The following SCNN1G variants were observed in gnomAD, a reference collection of about 807,000 sequenced individuals.
SCNN1G encodes epithelial sodium channel subunit gamma.
SCNN1G carries 27 observed loss-of-function variants against 64.6 expected under a neutral mutation model. The ratio of observed to expected loss-of-function variants is 0.42; its 90% CI spans 0.31 to 0.58. The LOEUF is 0.58. SCNN1G is among the 20% of genes least tolerant of loss of function. The probability of loss-of-function intolerance (pLI) is 0.18; values close to 1 mark genes in which losing one functional copy is unlikely to be tolerated. For missense variants in SCNN1G, 743 were observed against 823.4 expected, an observed-to-expected ratio of 0.90 and a Z score of 1.19; for synonymous variants, 330 against 314.2, an observed-to-expected ratio of 1.05 and a Z score of -0.53.
In SCNN1G at chr16:23,215,885, C is replaced by T. The variant is rs1270847075; in HGVS notation, c.*416C>T. ...CCTGGGTTGGGGCCCAAGGATGTGA[C>T]CTTGAGTGTCAAGGCTGGACAGCTA... is the stretch of plus-strand genomic sequence containing the variant. On this transcript the variant is annotated 3_prime_UTR_variant, in exon 13 of 13. Coordinates refer to ENST00000300061, the MANE Select transcript of SCNN1G (RefSeq NM_001039.4). 2.3e-5 allele frequency: 6 copies of T among 266,312 alleles called. No individual in the cohort carries two copies. The highest frequency in any genetic ancestry group is 9.9e-5 in the Admixed American group (2 of 20,164). The allele number at this position is 266,312 out of a possible 1,614,324, so 16.5% of individuals were successfully genotyped here.
Position 23,192,652 on chromosome 16 carries a change from T to C in SCNN1G, c.809+110T>C, listed in dbSNP as rs1186693772. On this transcript the variant is annotated intron_variant, in intron 4 of 12. Transcript: ENST00000300061. ...GATAGGTCTTGGGAGCAAAAGGTGC[T>C]CTTCTCACTGATGCTGCCTTTTGGA... The C allele has an allele frequency of 5.8e-6, 5 of 862,272 alleles. No individual in the cohort carries two copies. In the African/African-American group the frequency reaches 6.7e-5, roughly 11 times the overall value. The allele number at this position is 862,272 out of a possible 1,614,324, so 53.4% of individuals were successfully genotyped here.
chr16:23,189,256 T>C, intron 2 of SCNN1G, 115 bp from the exon 3 acceptor site: 3 of 1,080,382 alleles, frequency 2.8e-6, no homozygotes, highest in South Asian at 1.3e-5. Context: ...TGCCAAGGAG[T>C]TGGGAAAGGT....
chr16:23,206,190 A>G (rs1959987388), intron 6 of SCNN1G, among the ~76,000 whole-genome samples: 2 of 152,174 alleles, frequency 1.3e-5, no homozygotes, highest in Admixed American at 1.3e-4. Context: ...ACTTGGGATT[A>G]CTGGCTGGGA....
At chr16:23,186,107 G>A in intron 1 of SCNN1G, 121 bp from the exon 2 acceptor site, 1 of 696,582 alleles carries the variant, frequency 1.4e-6, no homozygotes, top group East Asian at 2.7e-5. Context: ...AGCCACAGAG[G>A]AACAGAGGAA....
At chr16:23,200,336 G>A (rs1197426658) in intron 6 of SCNN1G, among the ~76,000 whole-genome samples, 2 of 152,164 alleles carry the variant, frequency 1.3e-5, no homozygotes, top group Non-Finnish European at 1.5e-5. Flanking sequence ...AGGCTGGAGT[G>A]CAGTGACACA....
At chr16:23,213,031 G>A in intron 10 of SCNN1G, 71 bp from the exon 11 acceptor site, 2 of 1,537,966 alleles carry the variant, frequency 1.3e-6, no homozygotes, top group South Asian at 1.1e-5. Context: ...ACAAGTTGGG[G>A]AGCCTGAGGC....
At position 23,215,651 on chromosome 16, in the gene SCNN1G, C is replaced by T. The variant is rs1596779888; in HGVS notation, c.*182C>T. ...CCTGGGCATGCGCAGGAGGAGCCAT[C>T]GGGTACTACGCAGCAACACTCACAA... On this transcript the variant is annotated 3_prime_UTR_variant, in exon 13 of 13. Coordinates refer to ENST00000300061, the MANE Select transcript of SCNN1G (RefSeq NM_001039.4). 7 of 668,190 alleles carry T rather than the reference C, an allele frequency of 1.0e-5. No individual in the cohort carries two copies. The highest frequency in any genetic ancestry group is 3.5e-5 in the South Asian group (2 of 56,390). 41.4% of individuals were successfully genotyped at this position (668,190 alleles called of 1,614,324 possible).
chr16:23,212,328 A>T (rs1960093208), intron 8 of SCNN1G, among the ~76,000 whole-genome samples, 177 bp downstream of exon 8: 1 of 152,154 alleles, frequency 6.6e-6, no homozygotes, highest in African/African-American at 2.4e-5. Flanking sequence ...TATACTTTGC[A>T]ACTGACCACC....
intron 6 of SCNN1G, among the ~76,000 whole-genome samples, chr16:23,202,547 G>A (rs190919663): frequency 9.8e-5 from 15 of 152,300 alleles, no homozygotes; most frequent in Admixed American, 6.5e-4. Flanking sequence ...GTTTATTTAA[G>A]CTGTGTAGAG....
intron 10 of SCNN1G, 61 bp from the exon 11 acceptor site, chr16:23,213,041 C>T (rs186330733): frequency 7.7e-5 from 119 of 1,538,254 alleles, no homozygotes; most frequent in Middle Eastern, 6.8e-4. Flanking sequence ...GAGCCTGAGG[C>T]GGGAGGCTGG....
rs764425655 is a variant in SCNN1G, at chr16:23,212,701, C to T, written c.1318C>T (p.Arg440Ter). ...NWMYCYYQLH[R>*]AFVQEELGCQ... ...AGTGTATTGTTACTACCAACTGCAT[C>T]GAGCCTTTGTCCAGGAAGAGCTGGG... is the stretch of plus-strand genomic sequence containing the variant. Residue 440 changes from arginine to a stop codon, truncating the protein, a stop_gained, in exon 9 of 13, where the codon CGA (arginine) becomes TGA (stop). Coordinates refer to ENST00000300061, the MANE Select transcript of SCNN1G (RefSeq NM_001039.4). LOFTEE classifies it high-confidence loss of function. 1 of 1,614,108 alleles carries T rather than the reference C, an allele frequency of 6.2e-7. No individual in the cohort carries two copies. Among genetic ancestry groups the T allele is most frequent in the Non-Finnish European group, 8.5e-7 (1 of 1,179,968 alleles).
Position 23,215,672 on chromosome 16 carries a change from C to G in SCNN1G, c.*203C>G. The G allele has an allele frequency of 1.6e-6, 1 of 623,528 alleles. No individual in the cohort carries two copies. The highest frequency in any genetic ancestry group is 2.8e-6 in the Non-Finnish European group (1 of 352,706). The allele number at this position is 623,528 out of a possible 1,614,324, so 38.6% of individuals were successfully genotyped here. A position where few individuals can be genotyped will look rare whatever the true frequency, so the allele number is the denominator to read the frequency against. The stretch of plus-strand genomic sequence containing the variant: ...CCATCGGGTACTACGCAGCAACACT[C>G]ACAACTGTCCAGGCTGAGATAAATC... On this transcript the variant is annotated 3_prime_UTR_variant, in exon 13 of 13. Transcript: ENST00000300061.
chr16:23,207,136 G>A (rs569998878), intron 6 of SCNN1G, among the ~76,000 whole-genome samples: 5 of 152,294 alleles, frequency 3.3e-5, no homozygotes, highest in East Asian at 1.9e-4. Context: ...CTCAGAAAGC[G>A]TTGAAATCCA....
intron 6 of SCNN1G, among the ~76,000 whole-genome samples, chr16:23,207,987 AC>A (rs1205455551): frequency 6.6e-6 from 1 of 152,154 alleles, no homozygotes; most frequent in Non-Finnish European, 1.5e-5. Context: ...AAAAATAAAA[AC>A]AATTATACAT....
Position 23,215,669 on chromosome 16 carries a change from A to G in SCNN1G, c.*200A>G, listed in dbSNP as rs993761533. 3 of 628,528 alleles carry G rather than the reference A, an allele frequency of 4.8e-6. No individual in the cohort carries two copies. In the African/African-American group the frequency reaches 5.5e-5, roughly 12 times the overall value. The allele number at this position is 628,528 out of a possible 1,614,324, so 38.9% of individuals were successfully genotyped here. On this transcript the variant is annotated 3_prime_UTR_variant, in exon 13 of 13. Coordinates refer to ENST00000300061, the MANE Select transcript of SCNN1G (RefSeq NM_001039.4). ...GAGCCATCGGGTACTACGCAGCAAC[A>G]CTCACAACTGTCCAGGCTGAGATAA...
At chr16:23,211,562 C>G (rs1960079300) in intron 7 of SCNN1G, among the ~76,000 whole-genome samples, 1 of 152,224 alleles carries the variant, frequency 6.6e-6, no homozygotes, top group Non-Finnish European at 1.5e-5. Context: ...ATAATCCCAG[C>G]ATTTTGGAAA....
At position 23,212,863 on chromosome 16, in the gene SCNN1G, G is replaced by A. The variant is rs925384893; in HGVS notation, c.1400G>A (p.Ser467Asn). 3.7e-6 allele frequency: 6 copies of A among 1,614,060 alleles called. No individual in the cohort carries two copies. In the African/African-American group the frequency reaches 5.3e-5, roughly 14 times the overall value. Residue 467 changes from serine (S) to asparagine (N), a missense_variant, in exon 10 of 13, where the codon AGC becomes AAC. Transcript: ENST00000300061. ...CSFKEWTLTT[S>N]LAQWPSVVSE... ...TTTAAAGAGTGGACACTAACCACAAGCCTGGCACAATGGCCATCTGTGGTT... is the reference window on the plus strand; with the variant it reads ...TTTAAAGAGTGGACACTAACCACAAACCTGGCACAATGGCCATCTGTGGTT...
intron 2 of SCNN1G, 131 bp downstream of exon 2, chr16:23,186,719 G>T: frequency 2.5e-6 from 2 of 810,022 alleles, no homozygotes; most frequent in South Asian, 1.5e-5. Context: ...CTAGAAATTT[G>T]AATTTGTTGC....
At chr16:23,202,407 G>C (rs1281674691) in intron 6 of SCNN1G, among the ~76,000 whole-genome samples, 1 of 152,038 alleles carries the variant, frequency 6.6e-6, no homozygotes, top group African/African-American at 2.4e-5. Flanking sequence ...TGGATGGATG[G>C]ATGCCCAGAC....
Sources: gnomAD v4.1 joint callset for allele counts (sites outside exome capture counted in the v4.1 genomes callset) on GRCh38, gnomAD v4.1.1 for gene constraint, MANE v1.5 for transcripts, NCBI Gene and HGNC (gene_info 2026-07-23, HGNC 2026-07-21) for gene names.